The following CC2D2B variants were observed in gnomAD, a reference collection of about 807,000 sequenced individuals.
The protein encoded by CC2D2B is coiled-coil and C2 domain containing 2B.
A neutral mutation model predicts 161.2 loss-of-function variants in CC2D2B; 128 were observed. The observed-to-expected ratio is 0.79, with a 90% CI of 0.69 to 0.92. CC2D2B has a LOEUF of 0.92. Among genes scored for constraint, CC2D2B ranks in the 40% least tolerant of loss-of-function variants. CC2D2B has a pLI of 0.00. For missense variants in CC2D2B, 1,173 were observed against 1,375.1 expected, an observed-to-expected ratio of 0.85 and a Z score of 2.32; for synonymous variants, 391 against 449.8, an observed-to-expected ratio of 0.87 and a Z score of 1.65.
At chr10:95,976,638 AAGG>A (rs2077324844) in intron 17 of CC2D2B, among the ~76,000 whole-genome samples, 1 of 152,206 alleles carries the variant, frequency 6.6e-6, no homozygotes, top group Admixed American at 6.5e-5. Flanking sequence ...AATGAAGCCA[AAGG>A]AGAACTGAAA....
chr10:95,962,685 A>G (rs893415330), intron 12 of CC2D2B, among the ~76,000 whole-genome samples: 2 of 152,124 alleles, frequency 1.3e-5, no homozygotes, highest in African/African-American at 4.8e-5. Context: ...TTGGTTTTCA[A>G]AAGTATGAAA....
chr10:95,933,867 C>G lies in CC2D2B; in HGVS notation c.337-4124C>G, dbSNP rs559020301. On this transcript the variant is annotated intron_variant, in intron 6 of 34. Transcript: ENST00000646931. The stretch of plus-strand genomic sequence containing the variant: ...TCAGGAGGCACAGGGGTCAGGGAAC[C>G]ACTTGAGGAGGGAGTCTGTCCCTTA... Among the ~76,000 whole-genome samples, 12 of 152,312 alleles carry G rather than the reference C, an allele frequency of 7.9e-5. No homozygotes were observed. The South Asian group carries it at 2.3e-3, about 29-fold the overall frequency.
chr10:96,029,245 T>A, intron 34 of CC2D2B, among the ~76,000 whole-genome samples: 1 of 11,956 alleles, frequency 8.4e-5, no homozygotes, highest in South Asian at 3.4e-3. Flanking sequence ...ATGTACCATA[T>A]ATATATATAT....
chr10:95,932,517 C>T (rs1240923075), intron 6 of CC2D2B, among the ~76,000 whole-genome samples: 1 of 152,114 alleles, frequency 6.6e-6, no homozygotes, highest in East Asian at 1.9e-4. Context: ...GTGGCTGATG[C>T]TGGTTTTTCC....
chr10:96,001,835 T>C (rs970151282), intron 24 of CC2D2B, among the ~76,000 whole-genome samples: 2 of 152,246 alleles, frequency 1.3e-5, no homozygotes, highest in Admixed American at 1.3e-4. Context: ...TTTGGCTGCC[T>C]GTCTGAATCT....
chr10:96,022,102 G>C (rs916532316), intron 32 of CC2D2B, among the ~76,000 whole-genome samples: 1 of 152,180 alleles, frequency 6.6e-6, no homozygotes, highest in African/African-American at 2.4e-5. Flanking sequence ...TGGATCACTT[G>C]AGGTCTGGAG....
Position 96,024,914 on chromosome 10 carries a change from A to G in CC2D2B, c.3947+3A>G. On this transcript the variant is annotated splice_donor_region_variant and intron_variant, in intron 33 of 34. Coordinates refer to ENST00000646931, the MANE Select transcript of CC2D2B (RefSeq NM_001349008.3). ...ATGGTAGAAGATCTAAGGAATAGGT[A>G]CTGTGTTTTCCCCTAATCTCTTGTT... The G allele has an allele frequency of 6.6e-7, 1 of 1,516,542 alleles. No individual in the cohort carries two copies. The highest frequency in any genetic ancestry group is 9.0e-7 in the Non-Finnish European group (1 of 1,116,902). The allele number at this position is 1,516,542 out of a possible 1,614,324, so 93.9% of individuals were successfully genotyped here.
chr10:95,993,847 TATATAGAG>T lies in CC2D2B; in HGVS notation c.2642+1152_2642+1159del, dbSNP rs1173771048. Among the ~76,000 whole-genome samples, 77 of 106,210 alleles carry T rather than the reference TATATAGAG, an allele frequency of 7.2e-4. 1 individual carries two copies. The highest frequency in any genetic ancestry group is 2.7e-3 in the African/African-American group (65 of 24,496). The allele number at this position is 106,210 out of a possible 152,430, so 69.7% of individuals were successfully genotyped here. On this transcript the variant is annotated intron_variant, in intron 22 of 34. Transcript: ENST00000646931. Reference sequence around the variant, plus strand: ...TATATAAAGAGTGTATATATATATATATATAGAGAGAGAGAGAGAGAGAGTGTATATAT... The same window carrying T: ...TATATAAAGAGTGTATATATATATATAGAGAGAGAGAGAGAGTGTATATAT...
chr10:95,966,992 C>G (rs1363587304), intron 14 of CC2D2B, among the ~76,000 whole-genome samples: 1 of 152,084 alleles, frequency 6.6e-6, no homozygotes, highest in Non-Finnish European at 1.5e-5. Context: ...TTCAACATCT[C>G]TATCCCATGG....
intron 33 of CC2D2B, among the ~76,000 whole-genome samples, chr10:96,025,189 A>T (rs1564684313): frequency 4.1e-4 from 22 of 53,774 alleles, no homozygotes; most frequent in Non-Finnish European, 7.2e-4. Context: ...ATATATAAAA[A>T]AAAATATATA....
At chr10:96,007,853 A>T (rs754176769) in intron 25 of CC2D2B, among the ~76,000 whole-genome samples, 5 of 152,034 alleles carry the variant, frequency 3.3e-5, no homozygotes, top group Non-Finnish European at 5.9e-5. Context: ...GTGAATGCCA[A>T]TCCCTTTTAT....
intron 26 of CC2D2B, among the ~76,000 whole-genome samples, chr10:96,011,260 T>C (rs1332691963): frequency 6.6e-6 from 1 of 152,172 alleles, no homozygotes; most frequent in African/African-American, 2.4e-5. Context: ...CTACAGGGAT[T>C]CCTATGTTTT....
chr10:95,980,858 A>G (rs1009212331), intron 17 of CC2D2B, among the ~76,000 whole-genome samples: 1 of 152,136 alleles, frequency 6.6e-6, no homozygotes, highest in Admixed American at 6.5e-5. Context: ...ATAGACAGGA[A>G]CCTTTCTGGA....
intron 20 of CC2D2B, among the ~76,000 whole-genome samples, chr10:95,990,155 G>C (rs1292639867): frequency 6.6e-6 from 1 of 152,108 alleles, no homozygotes; most frequent in Non-Finnish European, 1.5e-5. Context: ...TGAGCTCCTT[G>C]AGTATATATT....
intron 25 of CC2D2B, among the ~76,000 whole-genome samples, chr10:96,004,809 C>T (rs2078674676): frequency 6.6e-6 from 1 of 152,188 alleles, no homozygotes; most frequent in African/African-American, 2.4e-5. Context: ...AGTATCTACT[C>T]TTTTAAGGTA....
At chr10:95,993,813 T>TAGAG (rs201578810) in intron 22 of CC2D2B, among the ~76,000 whole-genome samples, 13,347 of 138,844 alleles carry the variant, frequency 0.096, 1,190 homozygotes, top group East Asian at 0.54. Context: ...AGAATATATA[T>TAGAG]AGAGTGTATA....
At chr10:95,923,935 C>A (rs887777191) in intron 3 of CC2D2B, among the ~76,000 whole-genome samples, 42 of 152,014 alleles carry the variant, frequency 2.8e-4, no homozygotes, top group African/African-American at 9.9e-4. Context: ...GTAGGAGAAT[C>A]GCTTGAACCC....
intron 17 of CC2D2B, among the ~76,000 whole-genome samples, chr10:95,975,051 C>A (rs904455173): frequency 2.0e-5 from 3 of 152,116 alleles, no homozygotes; most frequent in African/African-American, 7.2e-5. Context: ...AGGTACCACT[C>A]CAGCGAGGGA....
intron 12 of CC2D2B, among the ~76,000 whole-genome samples, chr10:95,962,209 G>A (rs549033469): frequency 2.3e-4 from 35 of 152,044 alleles, no homozygotes; most frequent in African/African-American, 8.2e-4. Context: ...GAAATGATTT[G>A]AACAGACACT....
Sources: allele counts gnomAD v4.1 joint callset (sites outside exome capture counted in the v4.1 genomes callset), GRCh38; gene constraint gnomAD v4.1.1; transcripts MANE v1.5; gene names NCBI Gene and HGNC (gene_info 2026-07-23, HGNC 2026-07-21).